ZNF680: variants seen among roughly 807,000 people sequenced by gnomAD.
The protein encoded by ZNF680 is hypothetical protein FLJ90430.
In ZNF680, 6 loss-of-function variants were observed where a neutral mutation model predicts 12.1. The observed-to-expected ratio is 0.49, with a 90% CI of 0.27 to 0.98. ZNF680 has a LOEUF of 0.98. ZNF680 is among the 50% of genes least tolerant of loss of function. The probability of loss-of-function intolerance (pLI) is 0.12; values close to 1 mark genes in which losing one functional copy is unlikely to be tolerated. For synonymous variants in ZNF680, 170 were observed against 199.3 expected, an observed-to-expected ratio of 0.85 and a Z score of 1.24; for missense variants, 561 against 616.3, an observed-to-expected ratio of 0.91 and a Z score of 0.95.
the ZNF680 span, among the ~76,000 whole-genome samples, chr7:64,506,828 C>T: frequency 6.6e-6 from 1 of 152,168 alleles, no homozygotes; most frequent in African/African-American, 2.4e-5. Flanking sequence ...TCATTTCTCT[C>T]AGTAGCTCTG....
At chr7:64,545,096 T>C (rs1786712963) in intron 1 of ZNF680, among the ~76,000 whole-genome samples, 1 of 147,466 alleles carries the variant, frequency 6.8e-6, no homozygotes, top group Non-Finnish European at 1.5e-5. Flanking sequence ...CCATCTCTAC[T>C]AAAAAAAAAA....
chr7:64,500,905 G>C, the ZNF680 span: 2 of 599,728 alleles, frequency 3.3e-6, no homozygotes, highest in South Asian at 2.9e-5. Context: ...ACACTCTTGT[G>C]GTCAAGAAGT....
At chr7:64,557,595 C>T (rs1333025417) in intron 1 of ZNF680, among the ~76,000 whole-genome samples, 1 of 150,806 alleles carries the variant, frequency 6.6e-6, no homozygotes, top group East Asian at 2.0e-4. Flanking sequence ...CAAAAAAAAA[C>T]TTACCAAAAA....
At chr7:64,504,993 G>A in the ZNF680 span, among the ~76,000 whole-genome samples, 2 of 152,176 alleles carry the variant, frequency 1.3e-5, no homozygotes, top group Non-Finnish European at 2.9e-5. Context: ...TATGTAGCAT[G>A]CATTTTTCTG....
At chr7:64,504,513 T>A in the ZNF680 span, among the ~76,000 whole-genome samples, 1 of 152,242 alleles carries the variant, frequency 6.6e-6, no homozygotes, top group South Asian at 2.1e-4. Flanking sequence ...AAATTTTCCA[T>A]GAATCCAAAT....
chr7:64,509,653 T>A, the ZNF680 span, among the ~76,000 whole-genome samples: 2 of 152,146 alleles, frequency 1.3e-5, no homozygotes, highest in Non-Finnish European at 2.9e-5. Context: ...TTCCAACATC[T>A]GGGGTACCCT....
the ZNF680 span, among the ~76,000 whole-genome samples, chr7:64,503,770 G>C: frequency 6.6e-6 from 1 of 151,920 alleles, no homozygotes; most frequent in African/African-American, 2.4e-5. Flanking sequence ...TTTTTCTTTA[G>C]CCAATGGATG....
At chr7:64,542,297 C>T (rs1343613798) in intron 3 of ZNF680, among the ~76,000 whole-genome samples, 1 of 152,138 alleles carries the variant, frequency 6.6e-6, no homozygotes, top group South Asian at 2.1e-4. Context: ...CCTTTAAATT[C>T]AGACACCAAT....
chr7:64,525,868 T>C (rs963464584), intron 3 of ZNF680: 24 of 985,126 alleles, frequency 2.4e-5, no homozygotes, highest in Non-Finnish European at 2.9e-5. Flanking sequence ...AACAAACCTA[T>C]ACCAGAAATA....
At chr7:64,552,849 G>T (rs2116530104) in intron 1 of ZNF680, among the ~76,000 whole-genome samples, 1 of 152,264 alleles carries the variant, frequency 6.6e-6, no homozygotes, top group South Asian at 2.1e-4. Context: ...ATGTTGACCA[G>T]GCACGGTGGC....
chr7:64,543,727 T>G lies in ZNF680; in HGVS notation c.233A>C (p.Glu78Ala), dbSNP rs144080134. 9 of 1,613,644 alleles carry G rather than the reference T, an allele frequency of 5.6e-6. No individual in the cohort carries two copies. In the African/African-American group the frequency reaches 1.1e-4, roughly 19 times the overall value. The stretch of plus-strand genomic sequence containing the variant: ...CCTACCTGGGGGTTTGGCTACCATC[T>G]CCTGTCTCTTCCTATTCCAGGGCTC... ...GKEPWNRKRQEMVAKPPVIYS... is the reference protein window; with the variant it reads ...GKEPWNRKRQAMVAKPPVIYS... Residue 78 changes from glutamate to alanine, a missense_variant, in exon 3 of 4, where the codon GAG (glutamate) becomes GCG (alanine). Glu to Ala is a moderately radical substitution (Grantham distance 107). Transcript: ENST00000309683.
the ZNF680 span, among the ~76,000 whole-genome samples, chr7:64,510,638 C>T: frequency 1.3e-4 from 19 of 151,568 alleles, no homozygotes; most frequent in African/African-American, 4.6e-4. Flanking sequence ...CGGCCGGGCG[C>T]GGTGGTTCAC....
chr7:64,510,649 G>A, the ZNF680 span, among the ~76,000 whole-genome samples: 2 of 150,844 alleles, frequency 1.3e-5, no homozygotes, highest in South Asian at 2.1e-4. Context: ...GGTGGTTCAC[G>A]CCTGTAATCC....
At chr7:64,562,684 C>A (rs1056235157) in intron 1 of ZNF680, among the ~76,000 whole-genome samples, 10 of 152,240 alleles carry the variant, frequency 6.6e-5, no homozygotes, top group Non-Finnish European at 2.9e-5. Flanking sequence ...AGCTGCCCAG[C>A]GAGGGCTCCA....
downstream of ZNF680, among the ~76,000 whole-genome samples, chr7:64,516,432 T>C (rs73354101): frequency 9.8e-3 from 1,493 of 152,198 alleles, 26 homozygotes; most frequent in African/African-American, 0.034. Flanking sequence ...ACTGTAAAAA[T>C]GGAAAATGGG....
chr7:64,501,298 C>T, the ZNF680 span: 16 of 1,093,634 alleles, frequency 1.5e-5, no homozygotes, highest in Non-Finnish European at 1.8e-5. Flanking sequence ...GAAACGTCAG[C>T]ATGTTTCAGA....
intron 3 of ZNF680, among the ~76,000 whole-genome samples, chr7:64,543,029 C>A (rs1050888647): frequency 6.6e-6 from 1 of 151,056 alleles, no homozygotes; most frequent in Non-Finnish European, 1.5e-5. Context: ...TATTTTATGT[C>A]TATGGATTGA....
chr7:64,524,639 T>C (rs1466626583), intron 3 of ZNF680: 1 of 152,134 alleles, frequency 6.6e-6, no homozygotes, highest in Non-Finnish European at 1.5e-5. Flanking sequence ...AGACAAAATA[T>C]TGGTAAAGAA....
chr7:64,546,882 C>A (rs1479975208), intron 1 of ZNF680, among the ~76,000 whole-genome samples: 1 of 152,142 alleles, frequency 6.6e-6, no homozygotes, highest in East Asian at 1.9e-4. Flanking sequence ...CTGTGACCAA[C>A]CTTCAATGCA....
Sources: allele counts gnomAD v4.1 joint callset (sites outside exome capture counted in the v4.1 genomes callset), GRCh38; gene constraint gnomAD v4.1.1; transcripts MANE v1.5; gene names NCBI Gene and HGNC (gene_info 2026-07-23, HGNC 2026-07-21).